Variants in SETX observed in about 807,000 individuals in gnomAD.
SETX encodes the protein senataxin, also known as helicase senataxin.
Under a neutral mutation model 227.2 loss-of-function variants are expected in SETX, and 90 were observed. The ratio of observed to expected loss-of-function variants is 0.40; its 90% confidence interval spans 0.33 to 0.47. The LOEUF is 0.47. Ranked by LOEUF, SETX falls within the 20% of genes least tolerant of loss-of-function variation. The pLI is 0.91. For synonymous variants in SETX, 1,210 were observed against 1,113.2 expected (o/e 1.09, Z -1.73); for missense variants, 3,052 against 3,181.5 (o/e 0.96, Z 0.98).
chr9:132,325,858 G>A (rs987660378), intron 10 of SETX, among the ~76,000 whole-genome samples: 2 of 151,028 alleles, frequency 1.3e-5, no homozygotes, highest in East Asian at 2.0e-4. Flanking sequence ...CTTGAACCTG[G>A]GAGGCAGAAG....
chr9:132,294,916 A>G (rs1272428981), intron 15 of SETX, among the ~76,000 whole-genome samples: 1 of 152,256 alleles, frequency 6.6e-6, no homozygotes, highest in African/African-American at 2.4e-5. Flanking sequence ...AAAAAAAAGA[A>G]GTAAACTTCT....
At position 132,288,343 on chromosome 9, in the gene SETX, ACT is replaced by A. The variant is rs1564492117; in HGVS notation, c.6215_6216del (p.Glu2072ValfsTer10). ...DSQVNHRMKK[E>X]LPSHVQAMHK... ...TGCATCGCCTGAACATGAGAAGGTA[ACT>A]CTTTTTCTAATAAAAATAACAAATA... On this transcript the variant is annotated frameshift_variant, in exon 17 of 26. Transcript: ENST00000224140. LOFTEE classifies it high-confidence loss of function. The A allele has an allele frequency of 6.2e-7, 1 of 1,610,300 alleles. No homozygotes were observed.
At chr9:132,319,391 C>G (rs1846192243) in intron 10 of SETX, among the ~76,000 whole-genome samples, 1 of 152,240 alleles carries the variant, frequency 6.6e-6, no homozygotes, top group Middle Eastern at 3.4e-3. Context: ...TCTAAATGAC[C>G]AACCAAATAA....
rs768253218 is a variant in SETX, at chr9:132,269,645, G to A, written c.7257C>T (p.Leu2419=). 4 of 1,614,242 alleles carry A rather than the reference G, an allele frequency of 2.5e-6. No homozygotes were observed. The highest frequency in any genetic ancestry group is 1.6e-4 in the Middle Eastern group (1 of 6,062). The change falls in exon 25 of 26, where the codon CTC becomes CTT. Residue 2419 remains leucine (L), a synonymous_variant. Transcript: ENST00000224140. ...GGGTCCTCAAATGTCCGAGGATGAA[G>A]AGGCTGTACTTGGCTCGTGTGATGG... ...NVTITRAKYS[L]FILGHLRTLM... is the part of the protein sequence containing the mutation.
chr9:132,306,992 C>T (rs924405776), intron 11 of SETX, among the ~76,000 whole-genome samples: 31 of 152,320 alleles, frequency 2.0e-4, no homozygotes, highest in East Asian at 5.8e-4. Flanking sequence ...TGGTGGCTCA[C>T]GCCTGTAATC....
At chr9:132,268,468 T>C (rs145390342) in intron 25 of SETX, among the ~76,000 whole-genome samples, 1 of 152,178 alleles carries the variant, frequency 6.6e-6, no homozygotes, top group Non-Finnish European at 1.5e-5. Flanking sequence ...GCCACTGCAC[T>C]CCCGCCAGGG....
intron 4 of SETX, among the ~76,000 whole-genome samples, chr9:132,344,703 G>T (rs989634749): frequency 2.0e-5 from 3 of 151,964 alleles, no homozygotes; most frequent in Non-Finnish European, 4.4e-5. Context: ...GGCAAAACCT[G>T]TCTCTACTAA....
Position 132,336,524 on chromosome 9 carries a change from A to G in SETX, c.499-9T>C, listed in dbSNP as rs760214195. On this transcript the variant is annotated splice_polypyrimidine_tract_variant and intron_variant, in intron 5 of 25. Transcript: ENST00000224140. ...ATAGCCCAACGCCGAACCTAAATGC[A>G]GAATATATTTATTACTTAATTCAAT... The G allele has an allele frequency of 2.3e-5, 36 of 1,584,946 alleles. No homozygotes were observed. The Admixed American group carries it at 6.0e-4, about 26-fold the overall frequency.
At chr9:132,337,130 C>T (rs899405172) in intron 5 of SETX, among the ~76,000 whole-genome samples, 1 of 151,582 alleles carries the variant, frequency 6.6e-6, no homozygotes, top group Non-Finnish European at 1.5e-5. Flanking sequence ...GAAATACATA[C>T]TGAAATATTT....
chr9:132,262,080 A>C lies in SETX; in HGVS notation c.*2159T>G, dbSNP rs2131101910. On this transcript the variant is annotated 3_prime_UTR_variant, in exon 26 of 26. Coordinates refer to ENST00000224140, the MANE Select transcript of SETX (RefSeq NM_015046.7). ...CCGCTGTGAAAGGCCGTCACAGGAC[A>C]CAGGCTCGTCTGTTAGAAAGGATGA... The C allele has an allele frequency of 6.6e-6, 1 of 152,458 alleles. No homozygotes were observed. Among genetic ancestry groups the C allele is most frequent in the Middle Eastern group, 2.7e-3 (1 of 370 alleles). 9.4% of individuals were successfully genotyped at this position (152,458 alleles called of 1,614,324 possible).
chr9:132,354,157 G>A (rs1183394152), intron 1 of SETX, among the ~76,000 whole-genome samples: 2 of 152,316 alleles, frequency 1.3e-5, no homozygotes, highest in African/African-American at 2.4e-5. Flanking sequence ...TAGATCCCCA[G>A]AAGTTGGGGA....
chr9:132,328,487 G>A lies in SETX; in HGVS notation c.3111C>T (p.Asp1037=), dbSNP rs761490341. The A allele has an allele frequency of 6.2e-7, 1 of 1,613,694 alleles. No individual in the cohort carries two copies. Among genetic ancestry groups the A allele is most frequent in the Admixed American group, 1.7e-5 (1 of 60,020 alleles). Residue 1037 remains aspartate (D), a synonymous_variant, in exon 10 of 26, where the codon GAC becomes GAT. Transcript: ENST00000224140. ...GATGTTCCCTCTCAAGGCATATTTT[G>A]TCCTGTTTAGTGAGTTTCTCAAGAC... ...ILSLEKLTKQ[D]KICLEREHPE...
intron 6 of SETX, among the ~76,000 whole-genome samples, chr9:132,335,339 C>A (rs1010772918): frequency 1.5e-5 from 2 of 133,438 alleles, no homozygotes; most frequent in Non-Finnish European, 3.1e-5. Flanking sequence ...TGCAGTGAGC[C>A]GAGATCGCGC....
chr9:132,330,558 C>T, intron 9 of SETX, 59 bp from the exon 10 acceptor site: 1 of 1,462,636 alleles, frequency 6.8e-7, no homozygotes, highest in Non-Finnish European at 9.5e-7. Context: ...ACAGGTTCAA[C>T]ACCCAAGTCG....
chr9:132,348,971 T>C (rs1211817065), intron 3 of SETX, among the ~76,000 whole-genome samples: 1 of 152,014 alleles, frequency 6.6e-6, no homozygotes, highest in Non-Finnish European at 1.5e-5. Context: ...ATGTGGCCCA[T>C]GGAAAATCAT....
In SETX at chr9:132,330,043, A is replaced by AT. The variant is rs770891681; in HGVS notation, c.1554dup (p.Ser519IlefsTer11). The AT allele has an allele frequency of 6.2e-7, 1 of 1,614,148 alleles. No individual in the cohort carries two copies. The highest frequency in any genetic ancestry group is 8.5e-7 in the Non-Finnish European group (1 of 1,179,936). ...GGCATGGAATGCAATGACAGTGAAG[A>AT]TATCATTGCTGTTCCTTTGGAGCAA... On this transcript the variant is annotated frameshift_variant, in exon 10 of 26. Transcript: ENST00000224140. LOFTEE classifies it high-confidence loss of function.
intron 4 of SETX, among the ~76,000 whole-genome samples, chr9:132,345,446 G>A (rs962755656): frequency 6.6e-6 from 1 of 151,976 alleles, no homozygotes; most frequent in Non-Finnish European, 1.5e-5. Context: ...GCTAATTTTT[G>A]TATTTTTAGT....
chr9:132,340,545 C>T (rs1305270681), intron 5 of SETX, among the ~76,000 whole-genome samples: 1 of 65,120 alleles, frequency 1.5e-5, no homozygotes, highest in African/African-American at 4.0e-5. Context: ...GCCAGAAAAA[C>T]GTACTCACTC....
At chr9:132,333,513 T>C (rs1804744123) in intron 7 of SETX, among the ~76,000 whole-genome samples, 1 of 145,266 alleles carries the variant, frequency 6.9e-6, no homozygotes, top group Non-Finnish European at 1.5e-5. Context: ...CTCCCACAAA[T>C]GAGTTTATAT....
Sources: allele counts gnomAD v4.1 joint callset (sites outside exome capture counted in the v4.1 genomes callset), GRCh38; gene constraint gnomAD v4.1.1; transcripts MANE v1.5; gene names NCBI Gene and HGNC (gene_info 2026-07-23, HGNC 2026-07-21).